RBFOX3: variants seen among roughly 807,000 people sequenced by gnomAD.
RBFOX3 encodes the protein RNA binding fox-1 homolog 3, also known as RNA binding protein fox-1 homolog 3.
Under a neutral mutation model 48.7 loss-of-function variants are expected in RBFOX3, and 17 were observed. The ratio of observed to expected loss-of-function variants is 0.35; its 90% confidence interval spans 0.24 to 0.52. The LOEUF is 0.52. RBFOX3 is among the 20% of genes least tolerant of loss of function. The probability of loss-of-function intolerance (pLI) is 0.94; values close to 1 mark genes in which losing one functional copy is unlikely to be tolerated. For synonymous variants in RBFOX3, 212 were observed against 209.5 expected, an observed-to-expected ratio of 1.01 and a Z score of -0.10; for missense variants, 382 against 497.5, an observed-to-expected ratio of 0.77 and a Z score of 2.21.
intron 4 of RBFOX3, among the ~76,000 whole-genome samples, chr17:79,189,260 G>A (rs1025827517): frequency 1.3e-5 from 2 of 152,184 alleles, no homozygotes; most frequent in Admixed American, 6.5e-5. Flanking sequence ...ATGCCCATTC[G>A]ATATATGATG....
At chr17:79,478,110 C>T (rs901644427) in intron 2 of RBFOX3, among the ~76,000 whole-genome samples, 10 of 152,334 alleles carry the variant, frequency 6.6e-5, no homozygotes, top group Middle Eastern at 6.8e-3. Flanking sequence ...CACGTTCCCA[C>T]GGCTCATGCG....
At chr17:79,223,983 G>A (rs551418783) in intron 4 of RBFOX3, among the ~76,000 whole-genome samples, 7 of 152,306 alleles carry the variant, frequency 4.6e-5, no homozygotes, top group African/African-American at 1.7e-4. Context: ...ACAGCAGAAG[G>A]GAAGATGGCA....
chr17:79,110,902 C>T (rs1157075583), intron 5 of RBFOX3, among the ~76,000 whole-genome samples: 3 of 152,248 alleles, frequency 2.0e-5, no homozygotes, highest in Non-Finnish European at 4.4e-5. Context: ...TGGGGACCAG[C>T]GCCTCCTCTC....
chr17:79,633,929 T>C, the RBFOX3 span, among the ~76,000 whole-genome samples: 2 of 152,330 alleles, frequency 1.3e-5, no homozygotes, highest in East Asian at 1.9e-4. Context: ...CAGATTATCA[T>C]GCACATCTGT....
the RBFOX3 span, among the ~76,000 whole-genome samples, chr17:79,637,553 G>T: frequency 6.6e-6 from 1 of 151,758 alleles, no homozygotes; most frequent in African/African-American, 2.4e-5. Flanking sequence ...AAATTAGCCT[G>T]GCGTGGTGGC....
At chr17:79,130,927 C>T (rs1415253322) in intron 4 of RBFOX3, among the ~76,000 whole-genome samples, 2 of 152,264 alleles carry the variant, frequency 1.3e-5, no homozygotes, top group African/African-American at 4.8e-5. Flanking sequence ...GGACACGGTG[C>T]GCGGGAATCA....
chr17:79,241,400 ATCT>A (rs762577507), intron 3 of RBFOX3, among the ~76,000 whole-genome samples: 1 of 151,808 alleles, frequency 6.6e-6, no homozygotes, highest in Non-Finnish European at 1.5e-5. Context: ...ATTTTGGGAC[ATCT>A]CTTCTTAACT....
intron 2 of RBFOX3, among the ~76,000 whole-genome samples, chr17:79,393,439 G>A (rs576049447): frequency 1.6e-4 from 25 of 152,368 alleles, no homozygotes; most frequent in South Asian, 6.2e-4. Flanking sequence ...AACGCTCTCC[G>A]TTCGTGTGGT....
intron 1 of RBFOX3, among the ~76,000 whole-genome samples, chr17:79,589,361 A>C (rs2093352636): frequency 1.3e-5 from 2 of 152,084 alleles, no homozygotes; most frequent in African/African-American, 4.8e-5. Flanking sequence ...ACCCCAGCCA[A>C]GTGCTGTCTT....
intron 1 of RBFOX3, among the ~76,000 whole-genome samples, chr17:79,559,824 T>A (rs1330790785): frequency 1.5e-5 from 2 of 137,254 alleles, no homozygotes; most frequent in South Asian, 2.4e-4. Context: ...GGTGGGTGGA[T>A]GTTAGGTGGT....
At chr17:79,159,731 A>T (rs932444672) in intron 4 of RBFOX3, among the ~76,000 whole-genome samples, 3 of 142,738 alleles carry the variant, frequency 2.1e-5, no homozygotes, top group Non-Finnish European at 4.5e-5. Context: ...CATCACTTAC[A>T]CACACACATT....
intron 5 of RBFOX3, among the ~76,000 whole-genome samples, chr17:79,112,803 G>C (rs2032319965): frequency 1.3e-5 from 2 of 151,890 alleles, no homozygotes; most frequent in Admixed American, 6.6e-5. Context: ...CCTTGGGCGA[G>C]AGGGCGGGAA....
At chr17:79,353,798 C>T (rs1043757608) in intron 2 of RBFOX3, among the ~76,000 whole-genome samples, 2 of 152,100 alleles carry the variant, frequency 1.3e-5, no homozygotes, top group Non-Finnish European at 2.9e-5. Context: ...TCCTGAGGCA[C>T]GAGGGGCCCC....
chr17:79,410,374 G>C (rs2064138179), intron 2 of RBFOX3, among the ~76,000 whole-genome samples: 1 of 152,224 alleles, frequency 6.6e-6, no homozygotes, highest in Admixed American at 6.5e-5. Context: ...TCAGCACCTG[G>C]TGTACACACA....
Position 79,205,273 on chromosome 17 carries a change from A to G in RBFOX3, c.-34+30493T>C, listed in dbSNP as rs74001667. Among the ~76,000 whole-genome samples the G allele has an allele frequency of 0.019, 2,918 of 152,192 alleles. 93 individuals are homozygous for G. The highest frequency in any genetic ancestry group is 0.068 in the African/African-American group (2,809 of 41,526). On this transcript the variant is annotated intron_variant, in intron 4 of 14. Coordinates refer to ENST00000693108, the MANE Select transcript of RBFOX3 (RefSeq NM_001350451.2). The surrounding 1 kb of genome is among the most constrained non-coding windows in gnomAD (Gnocchi z 4.5). ...AGACACTGATACCTGTGAAATGAAAACACCATCATTTCTGCCAGTTAGAGT... is the reference window on the plus strand; with the variant it reads ...AGACACTGATACCTGTGAAATGAAAGCACCATCATTTCTGCCAGTTAGAGT...
chr17:79,356,765 C>A (rs550598840), intron 2 of RBFOX3, among the ~76,000 whole-genome samples: 1 of 152,018 alleles, frequency 6.6e-6, no homozygotes, highest in East Asian at 1.9e-4. Flanking sequence ...TAAAATATGT[C>A]CAGAGAGAGA....
intron 2 of RBFOX3, among the ~76,000 whole-genome samples, chr17:79,382,535 C>A (rs554373953): frequency 7.9e-5 from 12 of 151,474 alleles, no homozygotes; most frequent in African/African-American, 2.9e-4. Flanking sequence ...AAGGCTGACA[C>A]GGGCAGGCGG....
chr17:79,190,445 TGAA>T (rs1335741384), intron 4 of RBFOX3, among the ~76,000 whole-genome samples: 7 of 73,890 alleles, frequency 9.5e-5, no homozygotes, highest in Admixed American at 5.1e-4. Context: ...AAAAACAGAG[TGAA>T]GAAGAAGAAA....
At chr17:79,265,892 G>A (rs1288195813) in intron 3 of RBFOX3, among the ~76,000 whole-genome samples, 1 of 152,194 alleles carries the variant, frequency 6.6e-6, no homozygotes, top group Non-Finnish European at 1.5e-5. Flanking sequence ...GCTTGGGGAG[G>A]GGGCCCCCAC....
Sources: allele counts gnomAD v4.1 joint callset (sites outside exome capture counted in the v4.1 genomes callset), GRCh38; gene constraint gnomAD v4.1.1; non-coding constraint Gnocchi (gnomAD v3.1); transcripts MANE v1.5; gene names NCBI Gene and HGNC (gene_info 2026-07-23, HGNC 2026-07-21).